DCP1A: variants seen among roughly 807,000 people sequenced by gnomAD.
DCP1A encodes mRNA-decapping enzyme 1A.
In DCP1A, 20 loss-of-function variants were observed where a neutral mutation model predicts 58.0. The observed-to-expected ratio is 0.34, with a 90% confidence interval of 0.24 to 0.50. The LOEUF is 0.50. Among genes scored for constraint, DCP1A ranks in the 20% least tolerant of loss-of-function variants. DCP1A has a pLI of 0.98. For missense variants in DCP1A, 613 were observed against 712.2 expected (o/e 0.86, Z 1.59); for synonymous variants, 285 against 275.1 (o/e 1.04, Z -0.36).
chr3:53,286,696 A>G lies in DCP1A; in HGVS notation c.*884T>C. The G allele has an allele frequency of 6.6e-6, 1 of 152,258 alleles. No individual in the cohort carries two copies. The highest frequency in any genetic ancestry group is 1.9e-4 in the East Asian group (1 of 5,206). The allele number at this position is 152,258 out of a possible 1,614,324, so 9.4% of individuals were successfully genotyped here. A position where few individuals can be genotyped will look rare whatever the true frequency, so the allele number is the denominator to read the frequency against. On this transcript the variant is annotated 3_prime_UTR_variant, in exon 10 of 10. Coordinates refer to ENST00000610213, the MANE Select transcript of DCP1A (RefSeq NM_018403.7). ...AAAGGAACCAGAATGGCTTTGTCAG[A>G]TTGGTCCACTGGTCCTTTTGTCAAA...
At chr3:53,328,389 A>G (rs373793099) in intron 3 of DCP1A, among the ~76,000 whole-genome samples, 1 of 152,218 alleles carries the variant, frequency 6.6e-6, no homozygotes, top group Non-Finnish European at 1.5e-5. Flanking sequence ...TTAAGTACAA[A>G]CAATGATTTC....
At chr3:53,312,868 G>A (rs781946716) in intron 4 of DCP1A, among the ~76,000 whole-genome samples, 1 of 152,022 alleles carries the variant, frequency 6.6e-6, no homozygotes, top group Non-Finnish European at 1.5e-5. Flanking sequence ...CCATTTCACC[G>A]TCTCATTAAC....
At chr3:53,318,081 A>C (rs1707864090) in intron 4 of DCP1A, among the ~76,000 whole-genome samples, 1 of 152,178 alleles carries the variant, frequency 6.6e-6, no homozygotes, top group Non-Finnish European at 1.5e-5. Flanking sequence ...AGGTGGGAGG[A>C]ACGCTTGAGC....
chr3:53,301,398 A>G (rs1707308793), intron 6 of DCP1A, among the ~76,000 whole-genome samples: 2 of 151,790 alleles, frequency 1.3e-5, no homozygotes, highest in African/African-American at 4.8e-5. Flanking sequence ...CAGCCTCCCG[A>G]ATAGCTGGGA....
In DCP1A at chr3:53,347,501, C is replaced by T. The variant is rs373645946; in HGVS notation, c.17G>A (p.Arg6Gln). The change falls in exon 1 of 10, where the codon CGA becomes CAA. Residue 6 changes from arginine to glutamine, a missense_variant. By Grantham distance (43) the Arg-to-Gln change is conservative. Coordinates refer to ENST00000610213, the MANE Select transcript of DCP1A (RefSeq NM_018403.7). ...CGCTAGGCTCATCTCCTGCCCAGCT[C>T]GACTCAGCGCCTCCATCTTGAATCC... MEALS[R>Q]AGQEMSLAAL... 3 of 1,612,258 alleles carry T rather than the reference C, an allele frequency of 1.9e-6. No homozygotes were observed. Among genetic ancestry groups the T allele is most frequent in the East Asian group, 2.2e-5 (1 of 44,690 alleles).
rs562288312 is a variant in DCP1A at position 53,304,185 on chromosome 3, G to T, written c.616C>A (p.Gln206Lys). The change falls in exon 6 of 10, where the codon CAG becomes AAG. Residue 206 changes from glutamine (Q) to lysine (K), a missense_variant. Gln to Lys is a moderately conservative substitution (Grantham distance 53). Transcript: ENST00000610213. The stretch of plus-strand genomic sequence containing the variant: ...GCTTTAGCTGTACAAACCTTATCCT[G>T]TGACCCGGAGGGCATTTCTTCTAGA... ...ETLEEMPSGS[Q>K]DKSAPSGHKH... 6.2e-6 allele frequency: 10 copies of T among 1,611,614 alleles called. No individual in the cohort carries two copies. In the African/African-American group the frequency reaches 1.3e-4, roughly 22 times the overall value.
intron 3 of DCP1A, chr3:53,329,244 A>G (rs1708193326): frequency 2.5e-6 from 1 of 396,782 alleles, no homozygotes. Context: ...AGACAAAAAA[A>G]GCACACACTA....
At chr3:53,289,437 C>G (rs1706771357) in intron 8 of DCP1A, among the ~76,000 whole-genome samples, 1 of 151,244 alleles carries the variant, frequency 6.6e-6, no homozygotes, top group Non-Finnish European at 1.5e-5. Context: ...ATGGTGAAAC[C>G]CCATCTCTAC....
At chr3:53,311,843 T>C (rs1182271549) in intron 5 of DCP1A, among the ~76,000 whole-genome samples, 2 of 152,084 alleles carry the variant, frequency 1.3e-5, no homozygotes, top group African/African-American at 4.8e-5. Context: ...ATAGTAATCT[T>C]ATAGGAATAG....
intron 5 of DCP1A, among the ~76,000 whole-genome samples, chr3:53,309,096 G>C (rs1707565853): frequency 6.6e-6 from 1 of 152,164 alleles, no homozygotes; most frequent in African/African-American, 2.4e-5. Flanking sequence ...TTGAGGCTAG[G>C]TACGGTGGCT....
intron 5 of DCP1A, among the ~76,000 whole-genome samples, chr3:53,309,606 TAAAC>T (rs1293505896): frequency 2.0e-5 from 3 of 151,858 alleles, no homozygotes; most frequent in African/African-American, 4.8e-5. Context: ...CTACAAAAAA[TAAAC>T]AAAATTATCC....
rs1200622917 is a variant in DCP1A at position 53,292,816 on chromosome 3, A to G, written c.636T>C (p.Ser212=). 1 of 1,604,866 alleles carries G rather than the reference A, an allele frequency of 6.2e-7. No individual in the cohort carries two copies. Among genetic ancestry groups the G allele is most frequent in the Non-Finnish European group, 8.5e-7 (1 of 1,178,908 alleles). ...PSGSQDKSAP[S]GHKHLTVEEL... The stretch of plus-strand genomic sequence containing the variant: ...CTTCTACCGTCAGATGCTTGTGTCC[A>G]GATGGAGCAGACTGAAAAACAAATG... Residue 212 remains serine (S), a synonymous_variant, in exon 7 of 10, where the codon TCT becomes TCC. Coordinates refer to ENST00000610213, the MANE Select transcript of DCP1A (RefSeq NM_018403.7).
rs184536916 is a variant in DCP1A at position 53,317,547 on chromosome 3, G to A, written c.371+1860C>T. Among the ~76,000 whole-genome samples, 316 of 152,268 alleles carry A rather than the reference G, an allele frequency of 2.1e-3. 2 individuals are homozygous for A. Among genetic ancestry groups the A allele is most frequent in the African/African-American group, 7.4e-3 (306 of 41,540 alleles). On this transcript the variant is annotated intron_variant, in intron 4 of 9. Coordinates refer to ENST00000610213, the MANE Select transcript of DCP1A (RefSeq NM_018403.7). ...TAAAACAAGTGATCATCTAATAAAT[G>A]GCTATGTTGAAAAATGGTTTTAGCT...
At position 53,294,912 on chromosome 3, in the gene DCP1A, T is replaced by C. The variant is rs117475708; in HGVS notation, c.625-2085A>G. ...TCCCCAATCCTTGCCTTTCTTGCTC[T>C]TGGACTTGCCTACCCAAGTAATGGC... On this transcript the variant is annotated intron_variant, in intron 6 of 9. Coordinates refer to ENST00000610213, the MANE Select transcript of DCP1A (RefSeq NM_018403.7). 2.0e-5 allele frequency among the ~76,000 whole-genome samples: 3 copies of C among 152,362 alleles called. No individual in the cohort carries two copies. The East Asian group carries it at 5.8e-4, about 29-fold the overall frequency.
At chr3:53,342,000 G>T in intron 3 of DCP1A, 144 bp downstream of exon 3, 1 of 725,280 alleles carries the variant, frequency 1.4e-6, no homozygotes, top group Non-Finnish European at 2.1e-6. Flanking sequence ...TAAAAGGTTT[G>T]ATCTTTCCAA....
chr3:53,331,773 G>A (rs2089008830), intron 3 of DCP1A, among the ~76,000 whole-genome samples: 1 of 152,134 alleles, frequency 6.6e-6, no homozygotes, highest in Admixed American at 6.5e-5. Context: ...TGATAGGTAA[G>A]CACATAGATA....
At chr3:53,326,993 G>C (rs975010494) in intron 3 of DCP1A, among the ~76,000 whole-genome samples, 1 of 148,118 alleles carries the variant, frequency 6.8e-6, no homozygotes, top group Non-Finnish European at 1.5e-5. Flanking sequence ...CCCCCCAACT[G>C]GTATTCTAGT....
At chr3:53,313,623 T>G (rs1374687404) in intron 4 of DCP1A, among the ~76,000 whole-genome samples, 1 of 151,720 alleles carries the variant, frequency 6.6e-6, no homozygotes, top group Non-Finnish European at 1.5e-5. Flanking sequence ...ACTTTTTTTG[T>G]TTTTTTTAAG....
intron 4 of DCP1A, among the ~76,000 whole-genome samples, chr3:53,315,534 C>CAAAA (rs1211486616): frequency 3.1e-4 from 20 of 64,988 alleles, no homozygotes; most frequent in East Asian, 5.2e-4. Flanking sequence ...GACTCTGTCT[C>CAAAA]AAAAAAAAAA....
Sources: allele counts gnomAD v4.1 joint callset (sites outside exome capture counted in the v4.1 genomes callset), GRCh38; gene constraint gnomAD v4.1.1; transcripts MANE v1.5; gene names NCBI Gene and HGNC (gene_info 2026-07-23, HGNC 2026-07-21).